Variants in SAMD12 observed in about 807,000 individuals in gnomAD.
SAMD12 encodes sterile alpha motif domain containing 12, also known as sterile alpha motif domain-containing protein 12.
A neutral mutation model predicts 15.0 loss-of-function variants in SAMD12; 9 were observed. The observed-to-expected ratio is 0.60, with a 90% CI of 0.36 to 1.05. The LOEUF (loss-of-function observed/expected upper bound fraction) is 1.05, where lower values mean the gene tolerates loss of function less well. SAMD12 is among the 50% of genes least tolerant of loss of function. The pLI, the probability that SAMD12 is intolerant of heterozygous loss-of-function variation, is 0.01. For missense variants in SAMD12, 230 were observed against 234.2 expected (o/e 0.98, Z 0.12); for synonymous variants, 86 against 90.1 (o/e 0.96, Z 0.25).
chr8:118,543,982 TG>T (rs1333114100), intron 2 of SAMD12, among the ~76,000 whole-genome samples: 2 of 152,180 alleles, frequency 1.3e-5, no homozygotes, highest in Non-Finnish European at 2.9e-5. Flanking sequence ...AAAAATCTTT[TG>T]GCTCTCTCTG....
chr8:118,243,943 C>T (rs1467907825), intron 4 of SAMD12, among the ~76,000 whole-genome samples: 1 of 152,110 alleles, frequency 6.6e-6, no homozygotes. Flanking sequence ...TGCACAACTT[C>T]TCTTCCCTGG....
chr8:118,550,350 C>T (rs1826286350), intron 2 of SAMD12, among the ~76,000 whole-genome samples: 1 of 152,172 alleles, frequency 6.6e-6, no homozygotes, highest in African/African-American at 2.4e-5. Context: ...CCCTACAAGC[C>T]AAAAGAGAGT....
intron 4 of SAMD12, chr8:118,284,498 T>C (rs1813827341): frequency 2.7e-6 from 1 of 367,838 alleles, no homozygotes; most frequent in Non-Finnish European, 5.4e-6. Flanking sequence ...TAGTCCCTCT[T>C]ACTCTTTCCA....
At chr8:118,584,956 AACACAC>A (rs1331941480) in intron 1 of SAMD12, among the ~76,000 whole-genome samples, 1 of 134,656 alleles carries the variant, frequency 7.4e-6, no homozygotes, top group African/African-American at 2.8e-5. Flanking sequence ...CACACACACA[AACACAC>A]ACACACAAAC....
chr8:118,393,186 A>T (rs1440424706), intron 3 of SAMD12, among the ~76,000 whole-genome samples: 1 of 151,594 alleles, frequency 6.6e-6, no homozygotes, highest in Non-Finnish European at 1.5e-5. Context: ...GAGACAAAGT[A>T]AAAACACACA....
Position 118,455,764 on chromosome 8 carries a change from G to A in SAMD12, c.193-15803C>T, listed in dbSNP as rs146465693. On this transcript the variant is annotated intron_variant, in intron 2 of 3. Coordinates refer to ENST00000314727, the MANE Select transcript of SAMD12 (RefSeq NM_207506.3). ...GCTCTCCCACCAGTTTCTACATCCT[G>A]GTAGATCCTGACGAAAATCCCAGTA... Among the ~76,000 whole-genome samples the A allele has an allele frequency of 8.9e-3, 1,359 of 152,212 alleles. 5 individuals are homozygous for A. Among genetic ancestry groups the A allele is most frequent in the Middle Eastern group, 0.02 (6 of 294 alleles).
At chr8:118,295,470 T>C (rs892619313) in intron 4 of SAMD12, among the ~76,000 whole-genome samples, 8 of 152,172 alleles carry the variant, frequency 5.3e-5, no homozygotes, top group Non-Finnish European at 8.8e-5. Context: ...GAAACATCAG[T>C]GGATAATAAT....
Position 118,379,166 on chromosome 8 carries a change from T to G in SAMD12, c.*251A>C. 1 of 1,223,380 alleles carries G rather than the reference T, an allele frequency of 8.2e-7. No individual in the cohort carries two copies. The highest frequency in any genetic ancestry group is 1.0e-6 in the Non-Finnish European group (1 of 977,372). 75.8% of individuals were successfully genotyped at this position (1,223,380 alleles called of 1,614,324 possible). On this transcript the variant is annotated 3_prime_UTR_variant, in exon 4 of 4. Transcript: ENST00000314727. ...CTCAAATGCTAAAGCGCCCTCACAA[T>G]TGGCGCAGGTGAAGATAGCTACAGC...
At chr8:118,247,797 T>C (rs1437631993) in intron 4 of SAMD12, among the ~76,000 whole-genome samples, 1 of 152,154 alleles carries the variant, frequency 6.6e-6, no homozygotes, top group Non-Finnish European at 1.5e-5. Flanking sequence ...TTCACCATGT[T>C]GCCCAGGATG....
Position 118,378,704 on chromosome 8 carries a change from C to T in SAMD12, c.*713G>A, listed in dbSNP as rs374501862. 11 of 984,730 alleles carry T rather than the reference C, an allele frequency of 1.1e-5. No homozygotes were observed. The highest frequency in any genetic ancestry group is 8.7e-5 in the African/African-American group (5 of 57,302). 61.0% of individuals were successfully genotyped at this position (984,730 alleles called of 1,614,324 possible). ...TATTTTATCATCCTTTCATTTAAAA[C>T]GATGTACAATGGACGCTAAAATAAA... On this transcript the variant is annotated 3_prime_UTR_variant, in exon 4 of 4. Coordinates refer to ENST00000314727, the MANE Select transcript of SAMD12 (RefSeq NM_207506.3).
At chr8:118,281,424 G>A (rs2130161847) in intron 4 of SAMD12, among the ~76,000 whole-genome samples, 1 of 152,256 alleles carries the variant, frequency 6.6e-6, no homozygotes, top group Middle Eastern at 3.4e-3. Flanking sequence ...TTTCCTTCTG[G>A]CTCACTCCTG....
At chr8:118,586,203 A>C (rs1191689375) in intron 1 of SAMD12, among the ~76,000 whole-genome samples, 1 of 152,074 alleles carries the variant, frequency 6.6e-6, no homozygotes, top group East Asian at 1.9e-4. Flanking sequence ...TTTACATCAT[A>C]TGCTCTTCCT....
chr8:118,199,055 T>C (rs892279174), intron 4 of SAMD12, among the ~76,000 whole-genome samples: 4 of 152,196 alleles, frequency 2.6e-5, no homozygotes, highest in Non-Finnish European at 5.9e-5. Flanking sequence ...AAAATAATAC[T>C]AATTATGATG....
In SAMD12 at chr8:118,621,773, G is replaced by A. The variant is rs756856907; in HGVS notation, c.13+31C>T. On this transcript the variant is annotated intron_variant, in intron 1 of 3. Coordinates refer to ENST00000314727, the MANE Select transcript of SAMD12 (RefSeq NM_207506.3). ...TGCCTTGGGGTGCGCGGGTTAAGAG[G>A]GAGCTTAAAAATGCCCCAAGCGTCC... is the stretch of plus-strand genomic sequence containing the variant. 7.4e-6 allele frequency: 12 copies of A among 1,612,972 alleles called. No homozygotes were observed. The South Asian group carries it at 8.8e-5, about 12-fold the overall frequency.
intron 4 of SAMD12, among the ~76,000 whole-genome samples, chr8:118,244,108 A>G (rs1812633287): frequency 6.6e-6 from 1 of 152,122 alleles, no homozygotes; most frequent in African/African-American, 2.4e-5. Flanking sequence ...CTTCATCATG[A>G]CCACATCATG....
At chr8:118,588,385 T>C (rs1827503177) in intron 1 of SAMD12, among the ~76,000 whole-genome samples, 1 of 152,216 alleles carries the variant, frequency 6.6e-6, no homozygotes, top group South Asian at 2.1e-4. Flanking sequence ...CTATGGCCCA[T>C]TGACCAAATC....
At chr8:118,597,983 A>G (rs538464353) in intron 1 of SAMD12, among the ~76,000 whole-genome samples, 1 of 152,318 alleles carries the variant, frequency 6.6e-6, no homozygotes, top group African/African-American at 2.4e-5. Flanking sequence ...GAATGAAGGA[A>G]TAAATGAGAA....
At chr8:118,513,912 T>A (rs4242582) in intron 2 of SAMD12, among the ~76,000 whole-genome samples, 34,490 of 152,246 alleles carry the variant, frequency 0.23, 4,127 homozygotes, top group South Asian at 0.41. Flanking sequence ...GCCATCACTA[T>A]TCCATCCCAG....
chr8:118,181,698 A>G, the SAMD12 span, among the ~76,000 whole-genome samples: 1 of 152,174 alleles, frequency 6.6e-6, no homozygotes, highest in Admixed American at 6.5e-5. Flanking sequence ...GTTTTTCTCT[A>G]TTACATCATC....
Sources: gnomAD v4.1 joint callset for allele counts (sites outside exome capture counted in the v4.1 genomes callset) on GRCh38, gnomAD v4.1.1 for gene constraint, MANE v1.5 for transcripts, NCBI Gene and HGNC (gene_info 2026-07-23, HGNC 2026-07-21) for gene names.